The following CDK14 variants were observed in gnomAD, a reference collection of about 807,000 sequenced individuals.
CDK14 encodes the protein cyclin dependent kinase 14.
A neutral mutation model predicts 60.7 loss-of-function variants in CDK14; 34 were observed. That is an observed-to-expected ratio of 0.56 (90% CI 0.43 to 0.75). The LOEUF (loss-of-function observed/expected upper bound fraction) is 0.75. Among genes scored for constraint, CDK14 ranks in the 30% least tolerant of loss-of-function variants. The pLI, the probability that CDK14 is intolerant of heterozygous loss-of-function variation, is 0.00. For missense variants in CDK14, 482 were observed against 564.1 expected, an observed-to-expected ratio of 0.85 and a Z score of 1.47; for synonymous variants, 197 against 203.7, an observed-to-expected ratio of 0.97 and a Z score of 0.28.
intron 5 of CDK14, among the ~76,000 whole-genome samples, chr7:90,836,132 T>C (rs1463915952): frequency 6.6e-6 from 1 of 152,168 alleles, no homozygotes; most frequent in East Asian, 1.9e-4. Flanking sequence ...TTATAAATAC[T>C]GTATAATTAG....
At chr7:90,968,719 T>C (rs1276887454) in intron 9 of CDK14, among the ~76,000 whole-genome samples, 3 of 152,138 alleles carry the variant, frequency 2.0e-5, no homozygotes, top group Non-Finnish European at 2.9e-5. Context: ...TAGAAATAAA[T>C]AAATTTCCAT....
chr7:90,675,957 A>C (rs774103291), intron 2 of CDK14, among the ~76,000 whole-genome samples: 1 of 152,222 alleles, frequency 6.6e-6, no homozygotes. Flanking sequence ...AGAGCCTTCA[A>C]GGTGGAGTTA....
chr7:90,697,682 T>C (rs1260881104), intron 2 of CDK14, among the ~76,000 whole-genome samples: 2 of 152,164 alleles, frequency 1.3e-5, no homozygotes, highest in Non-Finnish European at 2.9e-5. Flanking sequence ...TGAAACAAAA[T>C]TGGTGAAAGT....
At chr7:90,815,305 A>G (rs1233166182) in intron 5 of CDK14, among the ~76,000 whole-genome samples, 1 of 152,198 alleles carries the variant, frequency 6.6e-6, no homozygotes, top group Non-Finnish European at 1.5e-5. Context: ...ATATCAACAA[A>G]CATATGAAAA....
chr7:90,769,756 TGC>T (rs1804713154), intron 4 of CDK14, among the ~76,000 whole-genome samples: 1 of 152,184 alleles, frequency 6.6e-6, no homozygotes, highest in Non-Finnish European at 1.5e-5. Context: ...CATGATCCTC[TGC>T]GCCTGGCTGA....
chr7:90,983,556 T>C lies in CDK14; in HGVS notation c.948-592T>C, dbSNP rs546057783. ...TTAGCCAGGCATGGTGGCAGGCACC[T>C]GTAGTCCCAGCTACTCGGGAGGCTG... On this transcript the variant is annotated intron_variant, in intron 9 of 14. Transcript: ENST00000380050. Among the ~76,000 whole-genome samples, 25 of 152,038 alleles carry C rather than the reference T, an allele frequency of 1.6e-4. No homozygotes were observed. The South Asian group carries it at 3.3e-3, about 20-fold the overall frequency.
At position 90,848,868 on chromosome 7, in the gene CDK14, A is replaced by C. The variant is rs551741226; in HGVS notation, c.545-14307A>C. Among the ~76,000 whole-genome samples, 3 of 152,304 alleles carry C rather than the reference A, an allele frequency of 2.0e-5. No homozygotes were observed. The South Asian group carries it at 6.2e-4, about 32-fold the overall frequency. On this transcript the variant is annotated intron_variant, in intron 5 of 14. Coordinates refer to ENST00000380050, the MANE Select transcript of CDK14 (RefSeq NM_001287135.2). ...TTGGGGCTTTGAAATAAATAATTGA[A>C]AATTGATATAATTTTATTTTTGCCT...
chr7:91,168,248 G>A (rs1209354198), intron 14 of CDK14, among the ~76,000 whole-genome samples: 1 of 134,300 alleles, frequency 7.4e-6, no homozygotes, highest in Non-Finnish European at 1.5e-5. Context: ...GCGACAGTGT[G>A]AGACTCTGTC....
At chr7:91,183,120 A>G (rs577845998) in intron 14 of CDK14, among the ~76,000 whole-genome samples, 3 of 129,792 alleles carry the variant, frequency 2.3e-5, no homozygotes, top group Non-Finnish European at 3.8e-5. Context: ...AATCCTTTCT[A>G]TGGCAAGGAA....
At chr7:90,675,274 T>C (rs926659280) in intron 2 of CDK14, among the ~76,000 whole-genome samples, 2 of 152,206 alleles carry the variant, frequency 1.3e-5, no homozygotes, top group Non-Finnish European at 2.9e-5. Context: ...GCTGCTGTTT[T>C]ATTTGTTGTA....
intron 7 of CDK14, among the ~76,000 whole-genome samples, chr7:90,906,355 A>G (rs967552259): frequency 6.6e-6 from 1 of 152,102 alleles, no homozygotes; most frequent in African/African-American, 2.4e-5. Flanking sequence ...AAACCAGGTG[A>G]GATAAGCTAT....
At chr7:90,767,167 G>T (rs947576645) in intron 4 of CDK14, among the ~76,000 whole-genome samples, 3 of 152,202 alleles carry the variant, frequency 2.0e-5, no homozygotes, top group Admixed American at 6.5e-5. Flanking sequence ...ATAAATAATG[G>T]CTTACAGCCA....
chr7:90,956,002 A>G (rs1390708008), intron 9 of CDK14, among the ~76,000 whole-genome samples, 185 bp downstream of exon 9: 1 of 152,166 alleles, frequency 6.6e-6, no homozygotes, highest in Admixed American at 6.6e-5. Context: ...TCTCCTTTGC[A>G]GATGCTGTGT....
intron 14 of CDK14, among the ~76,000 whole-genome samples, chr7:91,188,191 TAAA>T (rs752028566): frequency 6.6e-6 from 1 of 152,040 alleles, no homozygotes; most frequent in African/African-American, 2.4e-5. Context: ...CATTTTTTTT[TAAA>T]AAAAAAGAAC....
chr7:90,970,212 C>G (rs546074883), intron 9 of CDK14, among the ~76,000 whole-genome samples: 1 of 152,084 alleles, frequency 6.6e-6, no homozygotes, highest in Admixed American at 6.6e-5. Context: ...GTGATCCACC[C>G]GCCTCTGCTT....
At chr7:91,056,711 A>C (rs1797578374) in intron 11 of CDK14, among the ~76,000 whole-genome samples, 1 of 152,146 alleles carries the variant, frequency 6.6e-6, no homozygotes, top group Non-Finnish European at 1.5e-5. Context: ...TTCCAGCTTC[A>C]TCCATGTCCC....
chr7:91,071,118 A>G (rs572504052), intron 11 of CDK14, among the ~76,000 whole-genome samples: 1 of 152,234 alleles, frequency 6.6e-6, no homozygotes, highest in Non-Finnish European at 1.5e-5. Context: ...AAGAAGTAAC[A>G]ATTTGTTAAA....
chr7:90,942,304 A>G (rs1360956618), intron 8 of CDK14, among the ~76,000 whole-genome samples: 1 of 152,206 alleles, frequency 6.6e-6, no homozygotes, highest in Non-Finnish European at 1.5e-5. Flanking sequence ...GGGAAGTCTC[A>G]TCTTAGATCT....
intron 1 of CDK14, among the ~76,000 whole-genome samples, chr7:90,601,754 T>G (rs1298416926): frequency 6.6e-6 from 1 of 150,946 alleles, no homozygotes; most frequent in East Asian, 1.9e-4. Flanking sequence ...GGATAGTATC[T>G]TTTTTTTTGG....
Sources: allele counts gnomAD v4.1 joint callset (sites outside exome capture counted in the v4.1 genomes callset), GRCh38; gene constraint gnomAD v4.1.1; transcripts MANE v1.5; gene names NCBI Gene and HGNC (gene_info 2026-07-23, HGNC 2026-07-21).